Variants in RNF121 observed in about 807,000 individuals in gnomAD.
RNF121 encodes the protein E3 ubiquitin ligase RNF121.
RNF121 carries 21 observed loss-of-function variants against 46.5 expected under a neutral mutation model. The ratio of observed to expected loss-of-function variants is 0.45; its 90% CI spans 0.32 to 0.65. The LOEUF (loss-of-function observed/expected upper bound fraction) is 0.65, where lower values mean the gene tolerates loss of function less well. Among genes scored for constraint, RNF121 ranks in the 30% least tolerant of loss-of-function variants. The probability of loss-of-function intolerance (pLI) is 0.04; values close to 1 mark genes in which losing one functional copy is unlikely to be tolerated. For synonymous variants in RNF121, 139 were observed against 144.7 expected, an observed-to-expected ratio of 0.96 and a Z score of 0.28; for missense variants, 346 against 416.0, an observed-to-expected ratio of 0.83 and a Z score of 1.46.
chr11:71,934,421 C>T (rs1381568876), intron 1 of RNF121, among the ~76,000 whole-genome samples: 1 of 152,204 alleles, frequency 6.6e-6, no homozygotes, highest in Non-Finnish European at 1.5e-5. Context: ...TGTTACGTCT[C>T]CTCTTCCCAC....
chr11:71,982,458 A>G (rs543083584), intron 3 of RNF121, among the ~76,000 whole-genome samples: 94 of 152,252 alleles, frequency 6.2e-4, no homozygotes, highest in African/African-American at 2.1e-3. Flanking sequence ...CCTCAAAAGG[A>G]TGGACACTGA....
At chr11:71,945,598 G>C (rs1371454649) in intron 1 of RNF121, among the ~76,000 whole-genome samples, 1 of 152,188 alleles carries the variant, frequency 6.6e-6, no homozygotes, top group Non-Finnish European at 1.5e-5. Flanking sequence ...TTTAACATCT[G>C]TCTGTCATTT....
At chr11:71,985,727 T>G (rs1252048865) in intron 4 of RNF121, among the ~76,000 whole-genome samples, 1 of 152,178 alleles carries the variant, frequency 6.6e-6, no homozygotes, top group African/African-American at 2.4e-5. Context: ...ATTACTAAAT[T>G]GTTCATTAGC....
At chr11:71,979,994 G>A (rs188742030) in intron 3 of RNF121, among the ~76,000 whole-genome samples, 136 of 152,182 alleles carry the variant, frequency 8.9e-4, no homozygotes, top group African/African-American at 2.9e-3. Flanking sequence ...GTTGGGTTGC[G>A]TTTTCCCCAA....
chr11:71,984,911 T>G lies in RNF121; in HGVS notation c.398+1996T>G, dbSNP rs188759211. On this transcript the variant is annotated intron_variant, in intron 4 of 8. Transcript: ENST00000361756. ...CCTGTAACTAACATTTGATAGTGCT[T>G]TACAATTTCAAAGCACTTTTTAAAA... is the stretch of plus-strand genomic sequence containing the variant. Among the ~76,000 whole-genome samples, 6 of 137,416 alleles carry G rather than the reference T, an allele frequency of 4.4e-5. No homozygotes were observed. The Admixed American group carries it at 4.6e-4, about 10-fold the overall frequency. The allele number at this position is 137,416 out of a possible 152,430, so 90.2% of individuals were successfully genotyped here. A position where few individuals can be genotyped will look rare whatever the true frequency, so the allele number is the denominator to read the frequency against.
chr11:71,937,856 C>T (rs1285692869), intron 1 of RNF121, among the ~76,000 whole-genome samples: 1 of 152,190 alleles, frequency 6.6e-6, no homozygotes, highest in Non-Finnish European at 1.5e-5. Flanking sequence ...TTGTGTCATT[C>T]CTCATCTCCA....
At chr11:71,954,416 G>A (rs1335837698) in intron 1 of RNF121, among the ~76,000 whole-genome samples, 1 of 152,156 alleles carries the variant, frequency 6.6e-6, no homozygotes, top group Non-Finnish European at 1.5e-5. Flanking sequence ...CTTAGTTCTT[G>A]CCCTTCCGAG....
intron 3 of RNF121, among the ~76,000 whole-genome samples, chr11:71,978,528 C>T (rs889637122): frequency 2.0e-5 from 3 of 152,212 alleles, no homozygotes; most frequent in Non-Finnish European, 4.4e-5. Context: ...TCATTCTGGT[C>T]TTTGCTCCTT....
chr11:71,935,846 CTTTTTTT>C (rs994241423), intron 1 of RNF121, among the ~76,000 whole-genome samples: 7 of 114,722 alleles, frequency 6.1e-5, no homozygotes, highest in East Asian at 2.4e-4. Context: ...TATTCTTTTT[CTTTTTTT>C]TTTTTTTTTT....
chr11:71,931,742 G>T (rs567537131), intron 1 of RNF121, among the ~76,000 whole-genome samples: 3 of 152,260 alleles, frequency 2.0e-5, no homozygotes, highest in Admixed American at 1.3e-4. Flanking sequence ...AGTCAGCTAG[G>T]GGGAGTCAGT....
At chr11:71,931,646 A>C (rs2134139369) in intron 1 of RNF121, among the ~76,000 whole-genome samples, 1 of 152,332 alleles carries the variant, frequency 6.6e-6, no homozygotes, top group East Asian at 1.9e-4. Context: ...GTGAAGAGAC[A>C]TGCAAATAGC....
chr11:71,970,888 C>T (rs1318288531), intron 3 of RNF121, among the ~76,000 whole-genome samples: 4 of 151,996 alleles, frequency 2.6e-5, no homozygotes, highest in Non-Finnish European at 2.9e-5. Flanking sequence ...ATGCAGATCT[C>T]AGAGATGGAT....
chr11:71,987,592 C>G (rs1954794699), intron 5 of RNF121, among the ~76,000 whole-genome samples: 1 of 152,120 alleles, frequency 6.6e-6, no homozygotes, highest in African/African-American at 2.4e-5. Context: ...ATAGTCATGC[C>G]CATTCATTTA....
chr11:71,943,888 A>G (rs1953650124), intron 1 of RNF121, among the ~76,000 whole-genome samples: 1 of 152,232 alleles, frequency 6.6e-6, no homozygotes, highest in African/African-American at 2.4e-5. Context: ...GTTTAGTATT[A>G]CTGGAACCTC....
At position 71,954,157 on chromosome 11, in the gene RNF121, C is replaced by G. The variant is rs373259400; in HGVS notation, c.64-3070C>G. Among the ~76,000 whole-genome samples, 3 of 152,212 alleles carry G rather than the reference C, an allele frequency of 2.0e-5. No individual in the cohort carries two copies. In the East Asian group the frequency reaches 5.8e-4, roughly 29 times the overall value. On this transcript the variant is annotated intron_variant, in intron 1 of 8. Coordinates refer to ENST00000361756, the MANE Select transcript of RNF121 (RefSeq NM_018320.5). ...CTTCAGACTGAGTTAATGCTTGGCCCCAAATGAATAAACTCCTTAATGAGG... is the reference window on the plus strand; with the variant it reads ...CTTCAGACTGAGTTAATGCTTGGCCGCAAATGAATAAACTCCTTAATGAGG...
At chr11:71,975,683 C>T (rs1425601153) in intron 3 of RNF121, among the ~76,000 whole-genome samples, 3 of 152,164 alleles carry the variant, frequency 2.0e-5, no homozygotes, top group Non-Finnish European at 4.4e-5. Context: ...CCAGTAAGTG[C>T]TCAGTAAATG....
At chr11:71,967,811 C>T (rs891678950) in intron 3 of RNF121, among the ~76,000 whole-genome samples, 1 of 151,970 alleles carries the variant, frequency 6.6e-6, no homozygotes, top group African/African-American at 2.4e-5. Context: ...TCATTGTTTA[C>T]ATTATTAAGT....
intron 3 of RNF121, among the ~76,000 whole-genome samples, chr11:71,970,708 A>C (rs1036784855): frequency 1.8e-4 from 27 of 152,348 alleles, no homozygotes; most frequent in African/African-American, 5.5e-4. Context: ...AAGGTGGTCC[A>C]TGCATGGACT....
intron 1 of RNF121, among the ~76,000 whole-genome samples, chr11:71,931,080 G>A (rs879681872): frequency 7.9e-5 from 12 of 152,198 alleles, no homozygotes; most frequent in Admixed American, 7.9e-4. Context: ...GTGAGCCGCC[G>A]ATCTTGTCCT....
Sources: allele counts gnomAD v4.1 joint callset (sites outside exome capture counted in the v4.1 genomes callset), GRCh38; gene constraint gnomAD v4.1.1; transcripts MANE v1.5; gene names NCBI Gene and HGNC (gene_info 2026-07-23, HGNC 2026-07-21).